The following CELF2 variants were observed in gnomAD, a reference collection of about 807,000 sequenced individuals.
The protein encoded by CELF2 is CUGBP Elav-like family member 2.
A neutral mutation model predicts 62.6 loss-of-function variants in CELF2; 8 were observed. That is an observed-to-expected ratio of 0.13 (90% CI 0.07 to 0.23). CELF2 has a LOEUF of 0.23. Among genes scored for constraint, CELF2 ranks in the 10% least tolerant of loss-of-function variants. The probability of loss-of-function intolerance (pLI) is 1.00; values close to 1 mark genes in which losing one functional copy is unlikely to be tolerated. For missense variants in CELF2, 333 were observed against 671.0 expected, an observed-to-expected ratio of 0.50 and a Z score of 5.56; for synonymous variants, 258 against 250.0, an observed-to-expected ratio of 1.03 and a Z score of -0.30.
the CELF2 span, among the ~76,000 whole-genome samples, chr10:10,691,663 C>T: frequency 2.0e-5 from 3 of 149,606 alleles, no homozygotes; most frequent in Admixed American, 6.6e-5. Flanking sequence ...TCCTCTCCAG[C>T]ACCTGTTGTT....
rs79702459 is a variant in CELF2 at position 10,949,638 on chromosome 10, C to CA, written c.89+29652dup. ...AAAACCCCATCTCTACTAAAAATAC[C>CA]AAAAAAAAAAAAATTAGCCAGGCTT... On this transcript the variant is annotated intron_variant, in intron 2 of 13. Coordinates refer to the CELF2 transcript ENST00000636488. 3.4e-3 allele frequency among the ~76,000 whole-genome samples: 477 copies of CA among 140,332 alleles called. 7 individuals carry two copies. The East Asian group carries it at 0.042, about 12-fold the overall frequency. The allele number at this position is 140,332 out of a possible 152,430, so 92.1% of individuals were successfully genotyped here.
intron 2 of CELF2, among the ~76,000 whole-genome samples, chr10:10,950,652 C>T (rs2048218788): frequency 6.6e-6 from 1 of 152,020 alleles, no homozygotes; most frequent in African/African-American, 2.4e-5. Context: ...TTGCTGCTGC[C>T]CTCTTTTGGA....
the CELF2 span, among the ~76,000 whole-genome samples, chr10:10,684,572 C>T: frequency 6.6e-6 from 1 of 152,070 alleles, no homozygotes. Flanking sequence ...ATGTGACCCC[C>T]ATCTCTACAA....
intron 1 of CELF2, among the ~76,000 whole-genome samples, chr10:10,881,503 A>G (rs1021939074): frequency 1.3e-5 from 2 of 152,212 alleles, no homozygotes; most frequent in African/African-American, 4.8e-5. Context: ...AAAGATTTGT[A>G]GCATTAGACA....
chr10:10,656,622 CA>C, the CELF2 span, among the ~76,000 whole-genome samples: 2 of 125,244 alleles, frequency 1.6e-5, no homozygotes, highest in East Asian at 2.1e-4. Flanking sequence ...ATCGCAAGAA[CA>C]AAAAACCAAA....
chr10:10,552,391 C>G, the CELF2 span, among the ~76,000 whole-genome samples: 1 of 152,168 alleles, frequency 6.6e-6, no homozygotes, highest in Non-Finnish European at 1.5e-5. Flanking sequence ...GCAGCTTTTC[C>G]TAATGGAGAC....
the CELF2 span, among the ~76,000 whole-genome samples, chr10:10,701,007 C>G: frequency 1.3e-5 from 2 of 152,236 alleles, no homozygotes; most frequent in African/African-American, 4.8e-5. Flanking sequence ...AGGACCCAAC[C>G]TTGATGTCTC....
the CELF2 span, among the ~76,000 whole-genome samples, chr10:10,567,456 C>A: frequency 7.9e-5 from 12 of 151,994 alleles, no homozygotes; most frequent in African/African-American, 2.4e-4. Context: ...AATCAATACC[C>A]AAGGGAAAGG....
chr10:10,831,753 C>T (rs2057876381), intron 1 of CELF2, among the ~76,000 whole-genome samples: 1 of 152,200 alleles, frequency 6.6e-6, no homozygotes, highest in Non-Finnish European at 1.5e-5. Flanking sequence ...GGCTGGATCA[C>T]TTGAGGTCAG....
At chr10:10,505,378 G>A in the CELF2 span, among the ~76,000 whole-genome samples, 1 of 152,084 alleles carries the variant, frequency 6.6e-6, no homozygotes, top group Non-Finnish European at 1.5e-5. Context: ...ACCATGGTGA[G>A]GGTGACTTTA....
intron 1 of CELF2, among the ~76,000 whole-genome samples, chr10:11,085,301 G>A (rs558257724): frequency 2.3e-4 from 35 of 152,290 alleles, no homozygotes; most frequent in Non-Finnish European, 4.3e-4. Context: ...TTCAGTGGCT[G>A]GCCTGGGTCT....
chr10:10,931,950 A>G lies in CELF2; in HGVS notation c.89+11951A>G, dbSNP rs547231107. Among the ~76,000 whole-genome samples the G allele has an allele frequency of 1.8e-4, 27 of 152,194 alleles. No individual in the cohort carries two copies. In the South Asian group the frequency reaches 4.6e-3, roughly 26 times the overall value. On this transcript the variant is annotated intron_variant, in intron 2 of 13. Coordinates refer to the CELF2 transcript ENST00000636488. The surrounding 1 kb of genome is among the most constrained non-coding windows in gnomAD (Gnocchi z 6.1). ...TGTGCAGGGGAACTGCCCTTTATAA[A>G]ACCATCACATCTCATGAGTCTTATT... is the stretch of plus-strand genomic sequence containing the variant.
At chr10:10,598,223 T>C in the CELF2 span, among the ~76,000 whole-genome samples, 5 of 152,226 alleles carry the variant, frequency 3.3e-5, no homozygotes, top group Non-Finnish European at 5.9e-5. Flanking sequence ...TGGCCAAAGA[T>C]TGTGTTCTAG....
At chr10:10,527,359 C>T in the CELF2 span, among the ~76,000 whole-genome samples, 1 of 150,352 alleles carries the variant, frequency 6.7e-6, no homozygotes, top group Non-Finnish European at 1.5e-5. Flanking sequence ...GCAGGAGAAT[C>T]ATGCTTGAAC....
chr10:10,697,665 C>T, the CELF2 span, among the ~76,000 whole-genome samples: 18 of 152,114 alleles, frequency 1.2e-4, no homozygotes, highest in African/African-American at 2.9e-4. Context: ...GGCAAAAGGA[C>T]GCTAGCTCTC....
chr10:10,852,194 C>G (rs546623486), intron 1 of CELF2, among the ~76,000 whole-genome samples: 13 of 152,220 alleles, frequency 8.5e-5, no homozygotes, highest in Non-Finnish European at 1.8e-4. Flanking sequence ...TGGAAGCAAC[C>G]CAGATGTCCT....
chr10:11,175,368 AG>A (rs1427828245), intron 2 of CELF2, among the ~76,000 whole-genome samples: 6 of 152,166 alleles, frequency 3.9e-5, no homozygotes. Flanking sequence ...CATTAAAAGG[AG>A]GGATTGTGTT....
chr10:11,170,569 G>A (rs2068541727), intron 2 of CELF2, among the ~76,000 whole-genome samples: 1 of 151,922 alleles, frequency 6.6e-6, no homozygotes, highest in African/African-American at 2.4e-5. Flanking sequence ...TGTTCAAGAA[G>A]GCATCGTAGA....
the CELF2 span, among the ~76,000 whole-genome samples, chr10:10,547,480 A>C: frequency 3.3e-5 from 5 of 152,302 alleles, no homozygotes; most frequent in East Asian, 9.6e-4. Flanking sequence ...AGCGCACAAA[A>C]AGAATTTCTA....
Sources: allele counts gnomAD v4.1 joint callset (sites outside exome capture counted in the v4.1 genomes callset), GRCh38; gene constraint gnomAD v4.1.1; non-coding constraint Gnocchi (gnomAD v3.1); transcripts MANE v1.5; gene names NCBI Gene and HGNC (gene_info 2026-07-23, HGNC 2026-07-21).